CLNK: variants seen among roughly 807,000 people sequenced by gnomAD.
The protein encoded by CLNK is cytokine dependent hematopoietic cell linker.
Under a neutral mutation model 68.6 loss-of-function variants are expected in CLNK, and 74 were observed. The ratio of observed to expected loss-of-function variants is 1.08; its 90% CI spans 0.89 to 1.31. The LOEUF is 1.31. Ranked by LOEUF, CLNK falls within the 50% of genes most tolerant of loss-of-function variation. The pLI, the probability that CLNK is intolerant of heterozygous loss-of-function variation, is 0.00. For synonymous variants in CLNK, 198 were observed against 172.2 expected, an observed-to-expected ratio of 1.15 and a Z score of -1.17; for missense variants, 553 against 515.3, an observed-to-expected ratio of 1.07 and a Z score of -0.71.
the CLNK span, among the ~76,000 whole-genome samples, chr4:10,726,713 AAGCCC>A: frequency 6.6e-6 from 1 of 152,218 alleles, no homozygotes; most frequent in Non-Finnish European, 1.5e-5. Flanking sequence ...GCAAGAACTG[AAGCCC>A]AGAGGTTTTA....
chr4:10,583,328 C>A (rs951973452), intron 4 of CLNK, among the ~76,000 whole-genome samples: 2 of 151,866 alleles, frequency 1.3e-5, no homozygotes, highest in African/African-American at 4.8e-5. Context: ...TCCACAGCGC[C>A]CAGGCTGGAG....
At chr4:10,692,287 C>A in the CLNK span, among the ~76,000 whole-genome samples, 1 of 152,194 alleles carries the variant, frequency 6.6e-6, no homozygotes, top group African/African-American at 2.4e-5. Flanking sequence ...AGCTCATAAA[C>A]TACTGGGCAA....
At chr4:10,507,794 T>C (rs572401121) in intron 17 of CLNK, among the ~76,000 whole-genome samples, 165 bp downstream of exon 17, 1 of 152,300 alleles carries the variant, frequency 6.6e-6, no homozygotes, top group South Asian at 2.1e-4. Context: ...AAACTCTCCA[T>C]GTTAAATGCC....
chr4:10,493,033 T>C (rs1351235268), intron 18 of CLNK, among the ~76,000 whole-genome samples: 4 of 152,072 alleles, frequency 2.6e-5, no homozygotes, highest in Non-Finnish European at 5.9e-5. Context: ...GTTAAAATAC[T>C]AGGCCAGGCG....
At chr4:10,686,451 ACACT>A (rs1473806589), upstream of CLNK, among the ~76,000 whole-genome samples, 1 of 151,728 alleles carries the variant, frequency 6.6e-6, no homozygotes, top group African/African-American at 2.4e-5. Context: ...TAAGATTATC[ACACT>A]CATGAATCTG....
chr4:10,605,130 C>T lies in CLNK; in HGVS notation c.12-7081G>A, dbSNP rs75599106. ...TTTAGTTTTAAGACTACAACATCAACTCTTACCCGGATCTCTCGCCTGCCA... is the reference window on the plus strand; with the variant it reads ...TTTAGTTTTAAGACTACAACATCAATTCTTACCCGGATCTCTCGCCTGCCA... On this transcript the variant is annotated intron_variant, in intron 2 of 18. Transcript: ENST00000226951. Among the ~76,000 whole-genome samples, 632 of 152,310 alleles carry T rather than the reference C, an allele frequency of 4.1e-3. 22 individuals are homozygous for T. The East Asian group carries it at 0.088, about 21-fold the overall frequency.
intron 8 of CLNK, among the ~76,000 whole-genome samples, chr4:10,551,846 T>C (rs61795093): frequency 6.9e-6 from 1 of 144,178 alleles, no homozygotes; most frequent in Non-Finnish European, 1.5e-5. Flanking sequence ...GAGAGAATTG[T>C]AATTTTTTTT....
the CLNK span, among the ~76,000 whole-genome samples, chr4:10,724,062 G>T: frequency 1.6e-4 from 25 of 152,150 alleles, no homozygotes; most frequent in Non-Finnish European, 4.4e-5. Context: ...CAGACCAAGA[G>T]TCGACGGGGT....
intron 2 of CLNK, among the ~76,000 whole-genome samples, chr4:10,619,387 A>G (rs910008703): frequency 1.3e-5 from 2 of 152,174 alleles, no homozygotes; most frequent in African/African-American, 2.4e-5. Flanking sequence ...ATATACATCA[A>G]TGGGAGACAG....
rs1720369013 is a variant in CLNK, at chr4:10,571,892, C to T, written c.113-114G>A. The T allele has an allele frequency of 1.3e-5, 10 of 763,826 alleles. No homozygotes were observed. In the East Asian group the frequency reaches 1.4e-4, roughly 11 times the overall value. The allele number at this position is 763,826 out of a possible 1,614,324, so 47.3% of individuals were successfully genotyped here. A position where few individuals can be genotyped will look rare whatever the true frequency, so the allele number is the denominator to read the frequency against. ...TCTTTTGTCAGTTTTAATTAACTTA[C>T]CTTGATTGTGATTTTTCAAAACTAA... On this transcript the variant is annotated intron_variant, in intron 4 of 18. Transcript: ENST00000226951.
At chr4:10,512,907 A>G (rs1717654679) in intron 16 of CLNK, among the ~76,000 whole-genome samples, 1 of 152,048 alleles carries the variant, frequency 6.6e-6, no homozygotes, top group Non-Finnish European at 1.5e-5. Context: ...GAATGAGCAT[A>G]TTTTAGAAAG....
chr4:10,495,724 T>C (rs1716776242), intron 18 of CLNK, among the ~76,000 whole-genome samples: 1 of 152,034 alleles, frequency 6.6e-6, no homozygotes, highest in African/African-American at 2.4e-5. Flanking sequence ...AGCAATCATG[T>C]GTTTCTTCAT....
intron 15 of CLNK, among the ~76,000 whole-genome samples, chr4:10,515,345 C>G (rs1385260119): frequency 2.0e-5 from 3 of 152,150 alleles, no homozygotes; most frequent in Non-Finnish European, 4.4e-5. Context: ...ATTTCTCCAT[C>G]CTCATCCTGA....
chr4:10,496,174 G>C (rs1003474440), intron 18 of CLNK, among the ~76,000 whole-genome samples: 1 of 152,186 alleles, frequency 6.6e-6, no homozygotes, highest in Non-Finnish European at 1.5e-5. Context: ...TGCATCATCT[G>C]TGTGGTTAAA....
intron 4 of CLNK, among the ~76,000 whole-genome samples, chr4:10,584,706 G>C (rs1237901477): frequency 6.6e-6 from 1 of 152,182 alleles, no homozygotes; most frequent in Non-Finnish European, 1.5e-5. Flanking sequence ...CAGCTAAGTA[G>C]AGAGCCAGGA....
chr4:10,681,388 G>A (rs1725085702), intron 1 of CLNK, among the ~76,000 whole-genome samples: 1 of 152,076 alleles, frequency 6.6e-6, no homozygotes, highest in Non-Finnish European at 1.5e-5. Context: ...TCAGAGTTTG[G>A]GCCTAGGCTA....
chr4:10,531,856 T>A (rs368553052), intron 12 of CLNK: 20 of 465,682 alleles, frequency 4.3e-5, no homozygotes, highest in African/African-American at 3.2e-4. Context: ...TTGTGCAACT[T>A]TGGATCTCAT....
At chr4:10,522,445 C>G (rs1375394607) in intron 14 of CLNK, among the ~76,000 whole-genome samples, 4 of 147,560 alleles carry the variant, frequency 2.7e-5, no homozygotes, top group African/African-American at 1.0e-4. Context: ...GTGGTGGCAT[C>G]TGCCTGTAGT....
At chr4:10,671,213 C>A (rs990784347) in intron 1 of CLNK, among the ~76,000 whole-genome samples, 2 of 151,986 alleles carry the variant, frequency 1.3e-5, no homozygotes, top group Non-Finnish European at 2.9e-5. Flanking sequence ...TGGTGGAACC[C>A]GTCTCTACTA....
Sources: allele counts gnomAD v4.1 joint callset (sites outside exome capture counted in the v4.1 genomes callset), GRCh38; gene constraint gnomAD v4.1.1; transcripts MANE v1.5; gene names NCBI Gene and HGNC (gene_info 2026-07-23, HGNC 2026-07-21).